The following TMEM108 variants were observed in gnomAD, a reference collection of about 807,000 sequenced individuals.
The protein encoded by TMEM108 is cancer/testis antigen 124.
Under a neutral mutation model 35.1 loss-of-function variants are expected in TMEM108, and 12 were observed. That is an observed-to-expected ratio of 0.34 (90% CI 0.22 to 0.55). The LOEUF (loss-of-function observed/expected upper bound fraction) is 0.55, where lower values mean the gene tolerates loss of function less well. Ranked by LOEUF, TMEM108 falls within the 20% of genes least tolerant of loss-of-function variation. TMEM108 has a pLI of 0.89. For synonymous variants in TMEM108, 287 were observed against 308.6 expected, an observed-to-expected ratio of 0.93 and a Z score of 0.73; for missense variants, 680 against 753.3, an observed-to-expected ratio of 0.90 and a Z score of 1.14.
intron 2 of TMEM108, among the ~76,000 whole-genome samples, chr3:133,199,530 G>A (rs1248044448): frequency 6.6e-6 from 1 of 152,226 alleles, no homozygotes; most frequent in Non-Finnish European, 1.5e-5. Flanking sequence ...CTGCAGGTCT[G>A]TTGGAGTTTG....
intron 2 of TMEM108, among the ~76,000 whole-genome samples, chr3:133,140,061 TC>T: frequency 6.6e-6 from 1 of 152,336 alleles, no homozygotes; most frequent in East Asian, 1.9e-4. Context: ...TCTTTATAAA[TC>T]CTTTTCAATT....
intron 3 of TMEM108, among the ~76,000 whole-genome samples, chr3:133,275,543 G>T (rs1026677176): frequency 6.6e-6 from 1 of 152,134 alleles, no homozygotes; most frequent in Non-Finnish European, 1.5e-5. Flanking sequence ...ATGCAGCCTG[G>T]ACTCTTTTCT....
rs887009735 is a variant in TMEM108, at chr3:133,353,533, T to A, written c.41-26219T>A. Among the ~76,000 whole-genome samples the A allele has an allele frequency of 2.1e-4, 32 of 152,200 alleles. 1 individual carries two copies. The highest frequency in any genetic ancestry group is 2.1e-3 in the Admixed American group (32 of 15,280). On this transcript the variant is annotated intron_variant, in intron 3 of 5. Transcript: ENST00000321871. ...GGAGGGGCCCCATGACAAGGACTGC[T>A]GTATCTGCCTTTGCCTGTGTGGTCA...
chr3:133,295,675 G>A (rs1576438557), intron 3 of TMEM108, among the ~76,000 whole-genome samples: 1 of 152,186 alleles, frequency 6.6e-6, no homozygotes, highest in African/African-American at 2.4e-5. Context: ...TCCTGATCCT[G>A]TGGGACATTG....
chr3:133,155,520 A>G (rs1334438238), intron 2 of TMEM108, among the ~76,000 whole-genome samples: 2 of 151,906 alleles, frequency 1.3e-5, no homozygotes, highest in Non-Finnish European at 2.9e-5. Context: ...AGCATCTGTT[A>G]TTGTTTGAGT....
At chr3:133,264,886 G>T (rs1439891837) in intron 3 of TMEM108, among the ~76,000 whole-genome samples, 1 of 152,132 alleles carries the variant, frequency 6.6e-6, no homozygotes, top group African/African-American at 2.4e-5. Context: ...CAAGCAGAAA[G>T]GGATTGCATA....
At chr3:133,126,252 G>A (rs1418890705) in intron 2 of TMEM108, among the ~76,000 whole-genome samples, 1 of 152,030 alleles carries the variant, frequency 6.6e-6, no homozygotes, top group African/African-American at 2.4e-5. Context: ...GGACCATGAG[G>A]TCAGGAGTTC....
intron 2 of TMEM108, among the ~76,000 whole-genome samples, chr3:133,092,853 A>G (rs555411044): frequency 6.6e-6 from 1 of 152,338 alleles, no homozygotes; most frequent in South Asian, 2.1e-4. Flanking sequence ...TGAAGAGCCG[A>G]TTTAAGTAGA....
chr3:133,252,870 G>A (rs953462384), intron 3 of TMEM108, among the ~76,000 whole-genome samples: 3 of 152,186 alleles, frequency 2.0e-5, no homozygotes, highest in African/African-American at 7.2e-5. Context: ...ATGTGCAGAT[G>A]TGGAATCTGT....
intron 2 of TMEM108, among the ~76,000 whole-genome samples, chr3:133,143,738 C>G (rs1015292786): frequency 6.6e-6 from 1 of 152,026 alleles, no homozygotes; most frequent in East Asian, 1.9e-4. Context: ...GGAGGCCAGA[C>G]AGCCAATATG....
chr3:133,391,185 G>T (rs183517290), intron 5 of TMEM108, among the ~76,000 whole-genome samples: 1 of 152,324 alleles, frequency 6.6e-6, no homozygotes, highest in Admixed American at 6.5e-5. Flanking sequence ...TGATGGCCTG[G>T]TGAAAGCACC....
At chr3:133,304,630 A>G (rs930461770) in intron 3 of TMEM108, among the ~76,000 whole-genome samples, 1 of 152,126 alleles carries the variant, frequency 6.6e-6, no homozygotes, top group South Asian at 2.1e-4. Context: ...CTTTTTTACT[A>G]TGCATAATGT....
chr3:133,103,229 T>A (rs906669400), intron 2 of TMEM108, among the ~76,000 whole-genome samples: 5 of 152,138 alleles, frequency 3.3e-5, no homozygotes, highest in Non-Finnish European at 7.3e-5. Flanking sequence ...TGTGTACATA[T>A]ACACCATGGA....
chr3:133,059,073 C>T (rs1322530517), intron 2 of TMEM108, among the ~76,000 whole-genome samples: 1 of 152,198 alleles, frequency 6.6e-6, no homozygotes, highest in Non-Finnish European at 1.5e-5. Flanking sequence ...CTCATTGTGT[C>T]CTCCTCACAT....
intron 3 of TMEM108, among the ~76,000 whole-genome samples, chr3:133,234,855 T>C (rs1444875078): frequency 1.3e-5 from 2 of 152,146 alleles, no homozygotes; most frequent in East Asian, 1.9e-4. Flanking sequence ...GAAAACCCCA[T>C]TGTCCTCTCA....
rs1433852548 is a variant in TMEM108 at position 133,395,884 on chromosome 3, C to T, written c.1626C>T (p.Arg542=). 6.3e-7 allele frequency: 1 copy of T among 1,589,884 alleles called. No individual in the cohort carries two copies. Among genetic ancestry groups the T allele is most frequent in the Non-Finnish European group, 8.6e-7 (1 of 1,168,634 alleles). The change falls in exon 6 of 6, where the codon CGC becomes CGT. Residue 542 remains arginine, a synonymous_variant. Coordinates refer to ENST00000321871, the MANE Select transcript of TMEM108 (RefSeq NM_023943.4). Reference sequence around the variant, plus strand: ...CCCAGGACCAGCTCTCAGAGCCCCGCTCCCCAGCCAATGGCGACTATAGAG... The same window carrying T: ...CCCAGGACCAGCTCTCAGAGCCCCGTTCCCCAGCCAATGGCGACTATAGAG... ...ETSEDQLSEP[R]SPANGDYRDT... is the part of the protein sequence containing the mutation.
intron 3 of TMEM108, among the ~76,000 whole-genome samples, chr3:133,362,352 A>G (rs916288604): frequency 1.3e-5 from 2 of 152,166 alleles, no homozygotes; most frequent in Non-Finnish European, 2.9e-5. Flanking sequence ...CCTCCTCCAC[A>G]GTGATGATGT....
chr3:133,200,955 C>T (rs796538693), intron 2 of TMEM108, among the ~76,000 whole-genome samples: 4 of 152,274 alleles, frequency 2.6e-5, no homozygotes, highest in African/African-American at 9.6e-5. Context: ...ACATTTCTAT[C>T]ATCACAGAAA....
At chr3:133,066,697 T>A (rs1943612628) in intron 2 of TMEM108, among the ~76,000 whole-genome samples, 1 of 152,224 alleles carries the variant, frequency 6.6e-6, no homozygotes, top group Admixed American at 6.5e-5. Flanking sequence ...GCAGTTATAA[T>A]GTATATATTA....
Sources: allele counts gnomAD v4.1 joint callset (sites outside exome capture counted in the v4.1 genomes callset), GRCh38; gene constraint gnomAD v4.1.1; transcripts MANE v1.5; gene names NCBI Gene and HGNC (gene_info 2026-07-23, HGNC 2026-07-21).